The following ATP2B1 variants were observed in gnomAD, a reference collection of about 807,000 sequenced individuals.
ATP2B1 encodes the protein plasma membrane calcium-transporting ATPase 1.
ATP2B1 carries 14 observed loss-of-function variants against 124.2 expected under a neutral mutation model. That is an observed-to-expected ratio of 0.11 (90% confidence interval 0.07 to 0.18). The LOEUF is 0.18. ATP2B1 is among the 10% of genes least tolerant of loss of function. The pLI is 1.00. For missense variants in ATP2B1, 763 were observed against 1,466.1 expected, an observed-to-expected ratio of 0.52 and a Z score of 7.83; for synonymous variants, 449 against 492.4, an observed-to-expected ratio of 0.91 and a Z score of 1.17.
At chr12:89,597,371 A>G (rs1416064468) in intron 20 of ATP2B1, among the ~76,000 whole-genome samples, 1 of 152,172 alleles carries the variant, frequency 6.6e-6, no homozygotes, top group Non-Finnish European at 1.5e-5. Flanking sequence ...CACTTGGAAC[A>G]CTTTGCTTTA....
intron 1 of ATP2B1, among the ~76,000 whole-genome samples, chr12:89,676,868 T>G (rs1888672793): frequency 6.6e-6 from 1 of 152,160 alleles, no homozygotes; most frequent in Non-Finnish European, 1.5e-5. Flanking sequence ...TAAAGCAGAC[T>G]TTTTAGTTAT....
chr12:89,591,571 T>C (rs1322197534), intron 20 of ATP2B1, among the ~76,000 whole-genome samples: 1 of 152,106 alleles, frequency 6.6e-6, no homozygotes, highest in African/African-American at 2.4e-5. Flanking sequence ...AGCCATTTTA[T>C]AGGATTTTTT....
At chr12:89,636,616 A>G (rs2136204027) in intron 3 of ATP2B1, among the ~76,000 whole-genome samples, 1 of 152,346 alleles carries the variant, frequency 6.6e-6, no homozygotes, top group South Asian at 2.1e-4. Flanking sequence ...GTGTTCTAGC[A>G]TGGTGAGTAC....
At chr12:89,595,580 A>C (rs1874419362) in intron 20 of ATP2B1, among the ~76,000 whole-genome samples, 1 of 152,104 alleles carries the variant, frequency 6.6e-6, no homozygotes, top group East Asian at 1.9e-4. Flanking sequence ...ATAAGGGTTA[A>C]ATAATTTTGA....
chr12:89,623,307 C>A (rs1158686205), intron 9 of ATP2B1, among the ~76,000 whole-genome samples: 2 of 148,040 alleles, frequency 1.4e-5, no homozygotes, highest in African/African-American at 5.0e-5. Context: ...TTTTTACCTG[C>A]AAGATCATTT....
chr12:89,627,522 A>G (rs1196480193), intron 7 of ATP2B1, among the ~76,000 whole-genome samples, 156 bp downstream of exon 7: 2 of 152,172 alleles, frequency 1.3e-5, no homozygotes, highest in Admixed American at 1.3e-4. Flanking sequence ...TGACGACATG[A>G]CTAAGACACC....
At chr12:89,622,989 T>G (rs1880254285) in intron 9 of ATP2B1, among the ~76,000 whole-genome samples, 1 of 152,148 alleles carries the variant, frequency 6.6e-6, no homozygotes, top group African/African-American at 2.4e-5. Context: ...AAACTTGTAT[T>G]TACCCCAAAT....
At chr12:89,704,058 A>G (rs901205870) in intron 1 of ATP2B1, among the ~76,000 whole-genome samples, 1 of 151,464 alleles carries the variant, frequency 6.6e-6, no homozygotes, top group Admixed American at 6.6e-5. Context: ...AGGAACTAAA[A>G]CCTCCTCATT....
chr12:89,650,592 T>A (rs1384860077), intron 2 of ATP2B1, among the ~76,000 whole-genome samples: 1 of 152,238 alleles, frequency 6.6e-6, no homozygotes, highest in Non-Finnish European at 1.5e-5. Context: ...AAAAGCTTAG[T>A]GTCTCATTTG....
intron 11 of ATP2B1, among the ~76,000 whole-genome samples, chr12:89,619,737 G>A (rs966489577): frequency 6.6e-6 from 1 of 151,504 alleles, no homozygotes; most frequent in African/African-American, 2.4e-5. Context: ...AAACATCAAA[G>A]TATACTTCAT....
At chr12:89,606,778 G>A (rs1876981802) in intron 15 of ATP2B1, among the ~76,000 whole-genome samples, 1 of 151,890 alleles carries the variant, frequency 6.6e-6, no homozygotes, top group East Asian at 1.9e-4. Context: ...AATATACCAT[G>A]TTGGCGAGAC....
At chr12:89,697,245 T>C (rs1480363601) in intron 1 of ATP2B1, among the ~76,000 whole-genome samples, 4 of 152,282 alleles carry the variant, frequency 2.6e-5, no homozygotes, top group Non-Finnish European at 5.9e-5. Context: ...TCTTTATATG[T>C]CTTTATGAGC....
intron 1 of ATP2B1, among the ~76,000 whole-genome samples, chr12:89,690,072 T>C (rs1190198965): frequency 6.6e-6 from 1 of 152,108 alleles, no homozygotes; most frequent in East Asian, 1.9e-4. Flanking sequence ...GGTAAGCTTT[T>C]ACTGAATAGC....
chr12:89,626,249 T>C (rs1451823788), intron 8 of ATP2B1, among the ~76,000 whole-genome samples: 1 of 152,214 alleles, frequency 6.6e-6, no homozygotes, highest in Non-Finnish European at 1.5e-5. Context: ...TAGGCACTAA[T>C]CCTAACCCGA....
intron 1 of ATP2B1, among the ~76,000 whole-genome samples, chr12:89,676,554 G>C (rs926671347): frequency 6.6e-6 from 1 of 152,020 alleles, no homozygotes; most frequent in African/African-American, 2.4e-5. Context: ...TGGAATACAG[G>C]CATAAGCTAC....
At chr12:89,685,175 G>C (rs1454413569) in intron 1 of ATP2B1, among the ~76,000 whole-genome samples, 2 of 146,174 alleles carry the variant, frequency 1.4e-5, no homozygotes, top group East Asian at 4.1e-4. Flanking sequence ...AAATCTAAAT[G>C]AGGTGATAAG....
intron 2 of ATP2B1, among the ~76,000 whole-genome samples, chr12:89,655,432 G>A (rs142081347): frequency 1.3e-5 from 2 of 152,130 alleles, no homozygotes; most frequent in Non-Finnish European, 2.9e-5. Context: ...ACAGGAAGCA[G>A]TAGTATATAT....
At chr12:89,594,771 C>T (rs918063092) in intron 20 of ATP2B1, 5 of 151,840 alleles carry the variant, frequency 3.3e-5, no homozygotes, top group African/African-American at 9.7e-5. Flanking sequence ...TAAATACCAT[C>T]CTAACTTTTA....
intron 1 of ATP2B1, among the ~76,000 whole-genome samples, chr12:89,666,155 G>A (rs974259654): frequency 6.6e-6 from 1 of 152,158 alleles, no homozygotes; most frequent in Non-Finnish European, 1.5e-5. Context: ...AAATAATCTG[G>A]TTGGAAAATA....
Sources: gnomAD v4.1 joint callset for allele counts (sites outside exome capture counted in the v4.1 genomes callset) on GRCh38, gnomAD v4.1.1 for gene constraint, MANE v1.5 for transcripts, NCBI Gene and HGNC (gene_info 2026-07-23, HGNC 2026-07-21) for gene names.